The following C1QTNF1 variants were observed in gnomAD, a reference collection of about 807,000 sequenced individuals.
C1QTNF1 encodes C1q and TNF related 1.
In C1QTNF1, 22 loss-of-function variants were observed where a neutral mutation model predicts 27.8. The ratio of observed to expected loss-of-function variants is 0.79; its 90% CI spans 0.56 to 1.13. The LOEUF is 1.13. Ranked by LOEUF, C1QTNF1 falls within the 50% of genes most tolerant of loss-of-function variation. The probability of loss-of-function intolerance (pLI) is 0.00; values close to 1 mark genes in which losing one functional copy is unlikely to be tolerated. For synonymous variants in C1QTNF1, 166 were observed against 154.3 expected (o/e 1.08, Z -0.56); for missense variants, 373 against 380.2 (o/e 0.98, Z 0.16).
intron 1 of C1QTNF1, among the ~76,000 whole-genome samples, chr17:79,025,468 G>A (rs76365631): frequency 2.0e-5 from 3 of 152,102 alleles, no homozygotes; most frequent in Non-Finnish European, 4.4e-5. Context: ...GCAACATGAC[G>A]TGCTGGGAGC....
At chr17:79,038,235 C>T (rs1463781729) in intron 1 of C1QTNF1, among the ~76,000 whole-genome samples, 2 of 152,228 alleles carry the variant, frequency 1.3e-5, no homozygotes, top group African/African-American at 2.4e-5. Flanking sequence ...GGTGATCCAC[C>T]TGCCTTGGCC....
At chr17:79,030,865 T>G (rs1302141034) in intron 1 of C1QTNF1, among the ~76,000 whole-genome samples, 8 of 151,624 alleles carry the variant, frequency 5.3e-5, no homozygotes, top group Non-Finnish European at 1.0e-4. Flanking sequence ...CCTCCCAGAG[T>G]GCTGGGATTA....
intron 1 of C1QTNF1, chr17:79,043,685 AGTGT>A (rs141615731): frequency 9.3e-5 from 53 of 571,344 alleles, no homozygotes; most frequent in African/African-American, 9.0e-4. Flanking sequence ...ATGTGTGTTG[AGTGT>A]GTGCATGTGT....
chr17:79,042,011 C>CTCTTGTTTGCCTCTTTCT (rs1163544789), intron 1 of C1QTNF1, among the ~76,000 whole-genome samples: 2 of 152,244 alleles, frequency 1.3e-5, no homozygotes, highest in Non-Finnish European at 2.9e-5. Context: ...CTTGCTTTCA[C>CTCTTGTTTGCCTCTTTCT]TGTTTGCCTC....
chr17:79,024,119 C>G (rs2071850062), upstream of C1QTNF1: 1 of 152,064 alleles, frequency 6.6e-6, no homozygotes, highest in African/African-American at 2.4e-5. Flanking sequence ...TCCTCCGCGG[C>G]TGCTGTTTGG....
chr17:79,023,770 T>G (rs962408830), upstream of C1QTNF1, among the ~76,000 whole-genome samples: 1 of 151,316 alleles, frequency 6.6e-6, no homozygotes, highest in Non-Finnish European at 1.5e-5. Flanking sequence ...GGTTCACAGA[T>G]TCCCCCAAAC....
intron 1 of C1QTNF1, chr17:79,024,726 A>G (rs35115846): frequency 0.16 from 24,064 of 152,270 alleles, 2,338 homozygotes; most frequent in East Asian, 0.39. Context: ...CGGGGGTCAT[A>G]ATGGTCCCGG....
chr17:79,048,234 G>A lies in C1QTNF1; in HGVS notation c.*146G>A. ...CACACACAGAAAGCCAAAGCGATCG[G>A]TGCTCCCAGATCCCGCAGCCTCTGG... On this transcript the variant is annotated 3_prime_UTR_variant, in exon 4 of 4. Transcript: ENST00000579760. 8.7e-6 allele frequency: 7 copies of A among 808,500 alleles called. No individual in the cohort carries two copies. The highest frequency in any genetic ancestry group is 2.8e-5 in the East Asian group (1 of 35,854). 50.1% of individuals were successfully genotyped at this position (808,500 alleles called of 1,614,324 possible).
intron 1 of C1QTNF1, chr17:79,043,234 ATG>A: frequency 2.2e-6 from 1 of 451,516 alleles, no homozygotes; most frequent in Non-Finnish European, 4.4e-6. Flanking sequence ...ATCTGTGTGC[ATG>A]TGATATGGGT....
rs772040658 is a variant in C1QTNF1, at chr17:79,047,530, C to T, written c.296-8C>T. The stretch of plus-strand genomic sequence containing the variant: ...CATTAACAGCACGCGTTTTCCCATC[C>T]CTTTTAGGGGAGAAGGGTGACCGCG... On this transcript the variant is annotated splice_region_variant and splice_polypyrimidine_tract_variant and intron_variant, in intron 3 of 3. Coordinates refer to ENST00000579760, the MANE Select transcript of C1QTNF1 (RefSeq NM_030968.5). 60 of 1,518,920 alleles carry T rather than the reference C, an allele frequency of 4.0e-5. No individual in the cohort carries two copies. Among genetic ancestry groups the T allele is most frequent in the Non-Finnish European group, 5.0e-5 (57 of 1,135,380 alleles). 94.1% of individuals were successfully genotyped at this position (1,518,920 alleles called of 1,614,324 possible).
chr17:79,046,798 C>T lies in C1QTNF1; in HGVS notation c.295+104C>T. ...GTGGGGCTAGGCGAGAGCAGAATGG[C>T]TCCCTCGGGACAGGGAGCAGAGGCA... On this transcript the variant is annotated intron_variant, in intron 3 of 3. Coordinates refer to ENST00000579760, the MANE Select transcript of C1QTNF1 (RefSeq NM_030968.5). The surrounding 1 kb of genome is among the most constrained non-coding windows in gnomAD (Gnocchi z 4.8). 2 of 1,449,280 alleles carry T rather than the reference C, an allele frequency of 1.4e-6. No individual in the cohort carries two copies. Among genetic ancestry groups the T allele is most frequent in the Admixed American group, 1.9e-5 (1 of 52,328 alleles). 89.8% of individuals were successfully genotyped at this position (1,449,280 alleles called of 1,614,324 possible).
At chr17:79,040,569 T>C (rs1268907148) in intron 1 of C1QTNF1, among the ~76,000 whole-genome samples, 1 of 151,962 alleles carries the variant, frequency 6.6e-6, no homozygotes, top group Non-Finnish European at 1.5e-5. Context: ...GTTGTCAGCC[T>C]GTCTGAGTCC....
chr17:79,048,249 G>C lies in C1QTNF1; in HGVS notation c.*161G>C. On this transcript the variant is annotated 3_prime_UTR_variant, in exon 4 of 4. Coordinates refer to ENST00000579760, the MANE Select transcript of C1QTNF1 (RefSeq NM_030968.5). ...AAAGCGATCGGTGCTCCCAGATCCC[G>C]CAGCCTCTGGAGAGAGCTGACGGCA... 1 of 733,082 alleles carries C rather than the reference G, an allele frequency of 1.4e-6. No homozygotes were observed. Among genetic ancestry groups the C allele is most frequent in the Non-Finnish European group, 2.1e-6 (1 of 472,946 alleles). 45.4% of individuals were successfully genotyped at this position (733,082 alleles called of 1,614,324 possible).
chr17:79,030,475 C>CTTTTCTT (rs1428319858), intron 1 of C1QTNF1, among the ~76,000 whole-genome samples: 6 of 109,144 alleles, frequency 5.5e-5, no homozygotes. Flanking sequence ...TTCTTTCTTT[C>CTTTTCTT]TTTCTTTCTT....
rs571298478 is a variant in C1QTNF1 at position 79,044,478 on chromosome 17, A to G, written c.155+355A>G. 1.3e-3 allele frequency among the ~76,000 whole-genome samples: 195 copies of G among 152,168 alleles called. 1 individual carries two copies. The highest frequency in any genetic ancestry group is 3.7e-3 in the South Asian group (18 of 4,814). On this transcript the variant is annotated intron_variant, in intron 2 of 3. Transcript: ENST00000579760. ...TGTCCGCTGAGAATATCTGCTGGGG[A>G]CCTAGGCACCACTTGGAGGCAGGGA...
intron 1 of C1QTNF1, among the ~76,000 whole-genome samples, chr17:79,032,308 C>G (rs967746939): frequency 6.6e-6 from 1 of 152,114 alleles, no homozygotes; most frequent in African/African-American, 2.4e-5. Flanking sequence ...GAGGAAAGAG[C>G]GGGTGCCAGA....
intron 1 of C1QTNF1, among the ~76,000 whole-genome samples, chr17:79,038,092 C>G (rs1316954344): frequency 1.3e-5 from 2 of 151,954 alleles, no homozygotes; most frequent in Non-Finnish European, 2.9e-5. Context: ...TGAGTTCAAG[C>G]AATTCTCCTG....
Position 79,033,068 on chromosome 17 carries a change from C to CAAA in C1QTNF1, c.-15+8592_-15+8594dup, listed in dbSNP as rs58305899. Among the ~76,000 whole-genome samples, 56 of 79,346 alleles carry CAAA rather than the reference C, an allele frequency of 7.1e-4. 1 individual carries two copies. The highest frequency in any genetic ancestry group is 2.1e-3 in the African/African-American group (56 of 26,336). 52.1% of individuals were successfully genotyped at this position (79,346 alleles called of 152,430 possible). On this transcript the variant is annotated intron_variant, in intron 1 of 3. Coordinates refer to ENST00000579760, the MANE Select transcript of C1QTNF1 (RefSeq NM_030968.5). ...GGGTGACAAGAGCAAAACTCTGTCT[C>CAAA]AAAAAAAAAAAAAAAAAAAAGTCTT...
chr17:79,041,435 T>C (rs1054580903), intron 1 of C1QTNF1, among the ~76,000 whole-genome samples: 6 of 152,148 alleles, frequency 3.9e-5, no homozygotes, highest in South Asian at 4.1e-4. Flanking sequence ...TCCCCTGCAA[T>C]GTTGACTTGG....
Sources: gnomAD v4.1 joint callset for allele counts (sites outside exome capture counted in the v4.1 genomes callset) on GRCh38, gnomAD v4.1.1 for gene constraint, Gnocchi (gnomAD v3.1) non-coding constraint, MANE v1.5 for transcripts, NCBI Gene and HGNC (gene_info 2026-07-23, HGNC 2026-07-21) for gene names.